Variants in SGCD observed in about 807,000 individuals in gnomAD.
SGCD encodes sarcoglycan delta.
A neutral mutation model predicts 36.6 loss-of-function variants in SGCD; 18 were observed. That is an observed-to-expected ratio of 0.49 (90% CI 0.34 to 0.73). The LOEUF is 0.73. SGCD is among the 30% of genes least tolerant of loss of function. SGCD has a pLI of 0.01. For missense variants in SGCD, 387 were observed against 346.7 expected (o/e 1.12, Z -0.92); for synonymous variants, 133 against 130.6 (o/e 1.02, Z -0.12).
intron 3 of SGCD, among the ~76,000 whole-genome samples, chr5:156,313,656 TG>T (rs1285515617): frequency 6.6e-6 from 1 of 152,110 alleles, no homozygotes; most frequent in African/African-American, 2.4e-5. Flanking sequence ...TAAAGCTATC[TG>T]AGTCTTAATA....
chr5:156,119,359 A>G (rs1170198596), intron 2 of SGCD, among the ~76,000 whole-genome samples: 1 of 152,128 alleles, frequency 6.6e-6, no homozygotes, highest in Non-Finnish European at 1.5e-5. Context: ...CCGACTTGTC[A>G]CTTCCTAGTT....
the SGCD span, among the ~76,000 whole-genome samples, chr5:155,851,697 C>A: frequency 6.6e-6 from 1 of 152,180 alleles, no homozygotes; most frequent in African/African-American, 2.4e-5. Flanking sequence ...TTTCCAAATA[C>A]ATACATCATC....
chr5:155,970,495 G>T (rs1293092653), intron 1 of SGCD, among the ~76,000 whole-genome samples: 2 of 152,092 alleles, frequency 1.3e-5, no homozygotes, highest in Non-Finnish European at 2.9e-5. Context: ...CATTGTAAAG[G>T]ATTTACTTCA....
Position 156,372,901 on chromosome 5 carries a change from G to T in SGCD, c.192+28224G>T, listed in dbSNP as rs538209259. On this transcript the variant is annotated intron_variant, in intron 3 of 8. Coordinates refer to ENST00000337851, the MANE Select transcript of SGCD (RefSeq NM_000337.6). The stretch of plus-strand genomic sequence containing the variant: ...GTATTTTCCTTTTATATTCTCTTCA[G>T]GTCTTTCTAGGTGACAATCATGTAC... 2.7e-5 allele frequency among the ~76,000 whole-genome samples: 4 copies of T among 146,616 alleles called. No homozygotes were observed. In the South Asian group the frequency reaches 6.2e-4, roughly 23 times the overall value.
intron 1 of SGCD, among the ~76,000 whole-genome samples, chr5:155,949,660 T>G (rs1362485933): frequency 6.6e-6 from 1 of 152,190 alleles, no homozygotes; most frequent in Non-Finnish European, 1.5e-5. Context: ...TACATGAAAT[T>G]CATATTTCAG....
chr5:156,010,178 A>T (rs748013093), intron 1 of SGCD, among the ~76,000 whole-genome samples: 9 of 152,200 alleles, frequency 5.9e-5, no homozygotes, highest in Non-Finnish European at 1.0e-4. Context: ...TGGAGTGAAA[A>T]AGTGGTACTT....
chr5:156,314,042 G>C (rs1767452854), intron 3 of SGCD, among the ~76,000 whole-genome samples: 1 of 151,814 alleles, frequency 6.6e-6, no homozygotes. Flanking sequence ...CATGATCATT[G>C]AATCTGTGAT....
chr5:156,207,441 C>T (rs896834393), intron 3 of SGCD, among the ~76,000 whole-genome samples: 15 of 152,164 alleles, frequency 9.9e-5, no homozygotes, highest in Middle Eastern at 3.4e-3. Context: ...TTTAATAGTT[C>T]GAAAATGTGC....
At chr5:156,255,989 G>C (rs1224348730) in intron 3 of SGCD, among the ~76,000 whole-genome samples, 2 of 152,128 alleles carry the variant, frequency 1.3e-5, no homozygotes, top group Non-Finnish European at 2.9e-5. Context: ...TCTGTGAGGT[G>C]ATAAAGATAC....
the SGCD span, among the ~76,000 whole-genome samples, chr5:155,862,145 T>A: frequency 6.6e-6 from 1 of 151,904 alleles, no homozygotes; most frequent in Non-Finnish European, 1.5e-5. Context: ...GTATGATTTC[T>A]AGGATGCAAA....
rs1755851890 is a variant in SGCD, at chr5:155,880,147, T to TG, written c.-282+9727dup. ...CCTGAAGCTGAGTACATGTGTGACT[T>TG]GGGGCAAATCCCCTCCTGATTTCAG... On this transcript the variant is annotated intron_variant, in intron 1 of 9. Coordinates refer to the SGCD transcript ENST00000517913. Among the ~76,000 whole-genome samples the TG allele has an allele frequency of 4.6e-5, 7 of 152,128 alleles. No homozygotes were observed. The South Asian group carries it at 1.4e-3, about 31-fold the overall frequency.
chr5:156,127,207 A>G (rs1762193599), intron 3 of SGCD, among the ~76,000 whole-genome samples: 1 of 152,230 alleles, frequency 6.6e-6, no homozygotes, highest in Non-Finnish European at 1.5e-5. Flanking sequence ...AATCATAAGC[A>G]AAGTTAATTA....
the SGCD span, among the ~76,000 whole-genome samples, chr5:155,858,438 TG>T: frequency 7.2e-5 from 11 of 152,182 alleles, no homozygotes; most frequent in Non-Finnish European, 1.5e-4. Flanking sequence ...AACATAATTT[TG>T]AAGGAATCTG....
chr5:156,315,578 G>A (rs1767497172), intron 3 of SGCD, among the ~76,000 whole-genome samples: 1 of 151,928 alleles, frequency 6.6e-6, no homozygotes, highest in African/African-American at 2.4e-5. Context: ...ATACACACAA[G>A]TGAGTTTATT....
intron 3 of SGCD, among the ~76,000 whole-genome samples, chr5:156,407,589 A>G (rs1331402167): frequency 1.3e-5 from 2 of 152,208 alleles, no homozygotes; most frequent in Non-Finnish European, 2.9e-5. Flanking sequence ...AAGGAAAAAA[A>G]ATGTAAGGGA....
rs192590390 is a variant in SGCD at position 156,082,910 on chromosome 5, C to T, written c.-281-34968C>T. The stretch of plus-strand genomic sequence containing the variant: ...ATATGTGATCCAGTTCTTTGTCATC[C>T]TTGCTAGCATTTGATGTTGTCGCTA... On this transcript the variant is annotated intron_variant, in intron 1 of 9. Coordinates refer to the SGCD transcript ENST00000517913. Among the ~76,000 whole-genome samples, 306 of 152,102 alleles carry T rather than the reference C, an allele frequency of 2.0e-3. 1 individual carries two copies. The highest frequency in any genetic ancestry group is 6.9e-3 in the African/African-American group (288 of 41,454).
chr5:156,210,915 T>C (rs1463269647), intron 3 of SGCD, among the ~76,000 whole-genome samples: 1 of 151,940 alleles, frequency 6.6e-6, no homozygotes, highest in Non-Finnish European at 1.5e-5. Context: ...AATAGAAAAC[T>C]TTATAAATCT....
At chr5:155,910,597 A>G (rs1328107889) in intron 1 of SGCD, among the ~76,000 whole-genome samples, 1 of 152,110 alleles carries the variant, frequency 6.6e-6, no homozygotes, top group Admixed American at 6.6e-5. Context: ...AAAAAGCACA[A>G]TACTAGAATA....
rs1761712473 is a variant in SGCD at position 156,108,789 on chromosome 5, G to A, written c.-281-9089G>A. 3.3e-5 allele frequency among the ~76,000 whole-genome samples: 5 copies of A among 152,050 alleles called. No homozygotes were observed. The South Asian group carries it at 1.0e-3, about 32-fold the overall frequency. On this transcript the variant is annotated intron_variant, in intron 1 of 9. Transcript: ENST00000517913. Reference sequence around the variant, plus strand: ...GAGGGTTGATCAAGTTGAGTATTTAGCCTTGTTGTGAGTGAGTTAAGCCAG... The same window carrying A: ...GAGGGTTGATCAAGTTGAGTATTTAACCTTGTTGTGAGTGAGTTAAGCCAG...
Sources: gnomAD v4.1 joint callset for allele counts (sites outside exome capture counted in the v4.1 genomes callset) on GRCh38, gnomAD v4.1.1 for gene constraint, MANE v1.5 for transcripts, NCBI Gene and HGNC (gene_info 2026-07-23, HGNC 2026-07-21) for gene names.